RDH12: variants seen among roughly 807,000 people sequenced by gnomAD.
The protein encoded by RDH12 is retinol dehydrogenase 12.
A neutral mutation model predicts 34.0 loss-of-function variants in RDH12; 21 were observed. The observed-to-expected ratio is 0.62, with a 90% CI of 0.44 to 0.89. RDH12 has a LOEUF of 0.89. RDH12 is among the 40% of genes least tolerant of loss of function. The probability of loss-of-function intolerance (pLI) is 0.00; values close to 1 mark genes in which losing one functional copy is unlikely to be tolerated. For missense variants in RDH12, 394 were observed against 398.6 expected (o/e 0.99, Z 0.10); for synonymous variants, 198 against 169.9 (o/e 1.17, Z -1.29).
At position 67,726,173 on chromosome 14, in the gene RDH12, A is replaced by T; in HGVS notation, c.448+18A>T. On this transcript the variant is annotated intron_variant, in intron 6 of 8. Coordinates refer to ENST00000551171, the MANE Select transcript of RDH12 (RefSeq NM_152443.3). ...CCACCTGGGTAAGTATCTTTGGGTG[A>T]CTAAAAAATGAGGTACACCCACTAT... The T allele has an allele frequency of 6.9e-7, 1 of 1,452,934 alleles. No individual in the cohort carries two copies. Among genetic ancestry groups the T allele is most frequent in the Non-Finnish European group, 9.7e-7 (1 of 1,033,006 alleles). The allele number at this position is 1,452,934 out of a possible 1,614,324, so 90.0% of individuals were successfully genotyped here. A position where few individuals can be genotyped will look rare whatever the true frequency, so the allele number is the denominator to read the frequency against.
chr14:67,716,841 A>G (rs11623711), intron 1 of RDH12, among the ~76,000 whole-genome samples: 19,883 of 150,958 alleles, frequency 0.13, 1,346 homozygotes, highest in East Asian at 0.21. Context: ...CCGCTATCAC[A>G]CCACTGCACT....
chr14:67,726,512 T>A (rs1029526188), intron 6 of RDH12, among the ~76,000 whole-genome samples: 15 of 152,158 alleles, frequency 9.9e-5, no homozygotes, highest in Non-Finnish European at 1.9e-4. Context: ...AACCAAGCCA[T>A]GGGTTGGTCC....
intron 7 of RDH12, among the ~76,000 whole-genome samples, chr14:67,728,725 C>T (rs952848498): frequency 6.6e-6 from 1 of 151,764 alleles, no homozygotes; most frequent in African/African-American, 2.4e-5. Context: ...GTTAATCCCC[C>T]ACAATCTGCA....
intron 8 of RDH12, chr14:67,729,585 A>T: frequency 3.1e-6 from 2 of 646,450 alleles, no homozygotes; most frequent in South Asian, 3.6e-5. Flanking sequence ...TTCTGGCTTT[A>T]TTTTATACTC....
In RDH12 at chr14:67,722,554, G is replaced by C; in HGVS notation, c.-89G>C. On this transcript the variant is annotated 5_prime_UTR_variant, in exon 3 of 9. Transcript: ENST00000551171. ...GCAGAGAAGCAGCAGAAGCAGCCAA[G>C]AGCTGGAGCCAGACCAGGAACCTGA... The C allele has an allele frequency of 9.1e-7, 1 of 1,092,914 alleles. No individual in the cohort carries two copies. Among genetic ancestry groups the C allele is most frequent in the Non-Finnish European group, 1.4e-6 (1 of 704,590 alleles). The allele number at this position is 1,092,914 out of a possible 1,614,324, so 67.7% of individuals were successfully genotyped here. A position where few individuals can be genotyped will look rare whatever the true frequency, so the allele number is the denominator to read the frequency against.
At chr14:67,721,110 T>C (rs1488442771) in intron 2 of RDH12, among the ~76,000 whole-genome samples, 1 of 152,190 alleles carries the variant, frequency 6.6e-6, no homozygotes, top group African/African-American at 2.4e-5. Flanking sequence ...AATGAGGACA[T>C]GAACACCTGC....
intron 8 of RDH12, among the ~76,000 whole-genome samples, chr14:67,732,621 G>C (rs2038297059): frequency 6.6e-6 from 1 of 151,406 alleles, no homozygotes; most frequent in South Asian, 2.1e-4. Flanking sequence ...TTGTCGCCCA[G>C]GCTGGATTTC....
chr14:67,706,930 A>C (rs61991864), intron 1 of RDH12, among the ~76,000 whole-genome samples: 68,269 of 152,038 alleles, frequency 0.45, 17,879 homozygotes, highest in Non-Finnish European at 0.61. Flanking sequence ...CTCATGTCCT[A>C]TGCAGAGAAA....
At chr14:67,712,515 A>AAG in intron 1 of RDH12, among the ~76,000 whole-genome samples, 1 of 148,958 alleles carries the variant, frequency 6.7e-6, no homozygotes, top group Non-Finnish European at 1.5e-5. Flanking sequence ...AAAAAAAAAA[A>AAG]AAGACAAGGT....
intron 1 of RDH12, among the ~76,000 whole-genome samples, 186 bp downstream of exon 1, chr14:67,702,121 T>C (rs11629160): frequency 6.6e-6 from 1 of 151,672 alleles, no homozygotes; most frequent in Non-Finnish European, 1.5e-5. Context: ...CCAGCTTTTT[T>C]AAAAATTTAA....
At chr14:67,728,160 T>C (rs2038214114) in intron 7 of RDH12, 1 of 152,204 alleles carries the variant, frequency 6.6e-6, no homozygotes, top group Non-Finnish European at 1.5e-5. Flanking sequence ...GATCTAGGGG[T>C]CCATTTGTTA....
chr14:67,710,081 T>G (rs1045108541), intron 1 of RDH12, among the ~76,000 whole-genome samples: 9 of 152,224 alleles, frequency 5.9e-5, no homozygotes, highest in Non-Finnish European at 1.5e-5. Context: ...TGTTTTAAGT[T>G]GTTCCACCTT....
At chr14:67,716,419 GTTT>G (rs1175149644) in intron 1 of RDH12, among the ~76,000 whole-genome samples, 1 of 152,050 alleles carries the variant, frequency 6.6e-6, no homozygotes, top group Non-Finnish European at 1.5e-5. Flanking sequence ...ATGTTAGAAA[GTTT>G]TTAAAAAAGT....
intron 8 of RDH12, 72 bp downstream of exon 8, chr14:67,729,452 T>C: frequency 6.8e-7 from 1 of 1,467,482 alleles, no homozygotes; most frequent in Admixed American, 1.7e-5. Context: ...GGGCTGTTCA[T>C]CCTGAGAAGC....
intron 1 of RDH12, among the ~76,000 whole-genome samples, chr14:67,718,817 C>T (rs2038093918): frequency 6.6e-6 from 1 of 152,082 alleles, no homozygotes; most frequent in East Asian, 1.9e-4. Context: ...TGCTTATGTG[C>T]CAAAGCATGT....
chr14:67,723,921 C>A (rs1347100390), intron 3 of RDH12, among the ~76,000 whole-genome samples: 2 of 152,176 alleles, frequency 1.3e-5, no homozygotes, highest in African/African-American at 4.8e-5. Flanking sequence ...AATACAATGG[C>A]TGAAAGCCTC....
chr14:67,719,777 C>A (rs1029690462), intron 1 of RDH12, among the ~76,000 whole-genome samples: 1 of 152,170 alleles, frequency 6.6e-6, no homozygotes, highest in Non-Finnish European at 1.5e-5. Flanking sequence ...AGTGCCCAAC[C>A]AAAATTTAAT....
chr14:67,729,798 A>G (rs1385248375), intron 8 of RDH12: 8 of 496,198 alleles, frequency 1.6e-5, no homozygotes, highest in Admixed American at 6.3e-5. Flanking sequence ...CTGTCCCTCA[A>G]TGCTGCCAAG....
chr14:67,706,293 A>G (rs1359464630), intron 1 of RDH12: 1 of 152,146 alleles, frequency 6.6e-6, no homozygotes, highest in Non-Finnish European at 1.5e-5. Flanking sequence ...CATTTTCTGG[A>G]TTTTGTGATA....
Sources: gnomAD v4.1 joint callset for allele counts (sites outside exome capture counted in the v4.1 genomes callset) on GRCh38, gnomAD v4.1.1 for gene constraint, MANE v1.5 for transcripts, NCBI Gene and HGNC (gene_info 2026-07-23, HGNC 2026-07-21) for gene names.